PTPRD: variants seen among roughly 807,000 people sequenced by gnomAD.
PTPRD encodes the protein protein tyrosine phosphatase receptor type D, also known as receptor-type tyrosine-protein phosphatase delta.
Under a neutral mutation model 214.5 loss-of-function variants are expected in PTPRD, and 34 were observed. That is an observed-to-expected ratio of 0.16 (90% confidence interval 0.12 to 0.21). The LOEUF is 0.21. Ranked by LOEUF, PTPRD falls within the 10% of genes least tolerant of loss-of-function variation. The pLI is 1.00. For missense variants in PTPRD, 2,545 were observed against 2,398.7 expected, an observed-to-expected ratio of 1.06 and a Z score of -1.27; for synonymous variants, 1,128 against 845.7, an observed-to-expected ratio of 1.33 and a Z score of -5.79.
chr9:8,821,793 T>C (rs946891894), intron 11 of PTPRD, among the ~76,000 whole-genome samples: 2 of 152,106 alleles, frequency 1.3e-5, no homozygotes, highest in African/African-American at 4.8e-5. Context: ...GCCTCCCGAG[T>C]AGCTGGGATT....
intron 2 of PTPRD, among the ~76,000 whole-genome samples, chr9:10,513,177 T>G (rs577357055): frequency 6.6e-6 from 1 of 152,018 alleles, no homozygotes; most frequent in African/African-American, 2.4e-5. Flanking sequence ...TATGATTGTG[T>G]GTGTATGTGT....
At chr9:8,763,656 A>T (rs1262512763) in intron 11 of PTPRD, among the ~76,000 whole-genome samples, 1 of 151,652 alleles carries the variant, frequency 6.6e-6, no homozygotes, top group African/African-American at 2.4e-5. Flanking sequence ...CACCTAAGAG[A>T]AAGTGATGTT....
chr9:8,551,015 C>T (rs978225851), intron 14 of PTPRD, among the ~76,000 whole-genome samples: 3 of 152,208 alleles, frequency 2.0e-5, no homozygotes, highest in Admixed American at 6.5e-5. Context: ...ATAGATTTCA[C>T]TCCTGGCACT....
chr9:9,151,675 T>C (rs1312642613), intron 10 of PTPRD, among the ~76,000 whole-genome samples: 2 of 152,194 alleles, frequency 1.3e-5, no homozygotes, highest in African/African-American at 4.8e-5. Context: ...ACGTTTTTAA[T>C]GCAAAATGCT....
intron 3 of PTPRD, among the ~76,000 whole-genome samples, chr9:10,038,053 T>C (rs558862507): frequency 1.3e-5 from 2 of 152,276 alleles, no homozygotes; most frequent in South Asian, 4.1e-4. Flanking sequence ...TAATTCCAAA[T>C]GCAGACTTGA....
chr9:8,807,999 T>C (rs2096721923), intron 11 of PTPRD, among the ~76,000 whole-genome samples: 1 of 152,190 alleles, frequency 6.6e-6, no homozygotes, highest in Non-Finnish European at 1.5e-5. Flanking sequence ...AAACACTGCT[T>C]GGGGACATGT....
intron 9 of PTPRD, among the ~76,000 whole-genome samples, chr9:9,237,329 C>T (rs2099967454): frequency 6.6e-6 from 1 of 152,074 alleles, no homozygotes; most frequent in South Asian, 2.1e-4. Context: ...CTTTGGGAGG[C>T]CAAGGCAGGA....
chr9:10,612,210 A>AG (rs2081203277), intron 2 of PTPRD, among the ~76,000 whole-genome samples, 188 bp downstream of exon 2: 1 of 51,412 alleles, frequency 1.9e-5, no homozygotes, highest in African/African-American at 4.6e-5. Flanking sequence ...GGCTCTTCCA[A>AG]AAAAAAAAAA....
rs573133230 is a variant in PTPRD, at chr9:10,482,141, G to A, written c.-600+130257C>T. On this transcript the variant is annotated intron_variant, in intron 2 of 45. Transcript: ENST00000381196. ...AATCCCAGCATTTTGGGAGGCCCAG[G>A]CGGGAGAATCACGAGGTCAGGAGAT... Among the ~76,000 whole-genome samples, 61 of 152,246 alleles carry A rather than the reference G, an allele frequency of 4.0e-4. 1 individual carries two copies. The highest frequency in any genetic ancestry group is 3.5e-3 in the Admixed American group (53 of 15,282).
intron 33 of PTPRD, among the ~76,000 whole-genome samples, chr9:8,455,749 C>T (rs1564939932): frequency 6.6e-6 from 1 of 152,124 alleles, no homozygotes; most frequent in African/African-American, 2.4e-5. Flanking sequence ...AAAAAGAATT[C>T]TATATAAATG....
intron 35 of PTPRD, among the ~76,000 whole-genome samples, chr9:8,435,082 A>G (rs1044131659): frequency 6.6e-6 from 1 of 152,246 alleles, no homozygotes; most frequent in Non-Finnish European, 1.5e-5. Context: ...CCTATCAAAT[A>G]TGTGACAAAG....
intron 7 of PTPRD, among the ~76,000 whole-genome samples, chr9:9,708,965 A>G (rs1232906453): frequency 2.0e-5 from 3 of 151,984 alleles, no homozygotes; most frequent in Non-Finnish European, 2.9e-5. Flanking sequence ...AGATTACATT[A>G]TATAGCATCA....
intron 3 of PTPRD, among the ~76,000 whole-genome samples, chr9:10,197,769 G>A (rs1272710609): frequency 6.6e-6 from 1 of 152,114 alleles, no homozygotes; most frequent in Non-Finnish European, 1.5e-5. Context: ...TTTATTCAGA[G>A]TCCTGGTAGG....
chr9:9,763,176 T>C (rs2098675192), intron 6 of PTPRD, among the ~76,000 whole-genome samples: 1 of 152,216 alleles, frequency 6.6e-6, no homozygotes, highest in East Asian at 1.9e-4. Flanking sequence ...AGTTATTCAA[T>C]GGATTCATCC....
At chr9:8,767,253 G>A in intron 11 of PTPRD, among the ~76,000 whole-genome samples, 1 of 152,032 alleles carries the variant, frequency 6.6e-6, no homozygotes, top group Non-Finnish European at 1.5e-5. Flanking sequence ...GAGTAGCTGG[G>A]ATTACAGGTG....
intron 5 of PTPRD, among the ~76,000 whole-genome samples, chr9:9,824,918 TA>T (rs1156392431): frequency 6.6e-6 from 1 of 151,924 alleles, no homozygotes; most frequent in African/African-American, 2.4e-5. Context: ...ACAAAGCATA[TA>T]AAGTGGGCTC....
At chr9:8,451,415 G>T (rs866483555) in intron 33 of PTPRD, among the ~76,000 whole-genome samples, 39 of 152,158 alleles carry the variant, frequency 2.6e-4, no homozygotes, top group African/African-American at 8.9e-4. Flanking sequence ...CAGTTCTATG[G>T]AGTAGAAAGG....
intron 9 of PTPRD, among the ~76,000 whole-genome samples, chr9:9,237,979 A>C (rs2099967999): frequency 6.6e-6 from 1 of 152,062 alleles, no homozygotes; most frequent in Non-Finnish European, 1.5e-5. Flanking sequence ...TTTTCTGTCC[A>C]GTTTCCTTAA....
chr9:9,898,209 A>C (rs1172466899), intron 5 of PTPRD, among the ~76,000 whole-genome samples: 1 of 152,140 alleles, frequency 6.6e-6, no homozygotes, highest in Non-Finnish European at 1.5e-5. Context: ...TAACACAGAA[A>C]TATAGAGGTC....
Sources: allele counts gnomAD v4.1 joint callset (sites outside exome capture counted in the v4.1 genomes callset), GRCh38; gene constraint gnomAD v4.1.1; transcripts MANE v1.5; gene names NCBI Gene and HGNC (gene_info 2026-07-23, HGNC 2026-07-21).